RPTOR: variants seen among roughly 807,000 people sequenced by gnomAD.
RPTOR encodes the protein regulatory associated protein of MTOR complex 1.
RPTOR carries 21 observed loss-of-function variants against 169.9 expected under a neutral mutation model. The observed-to-expected ratio is 0.12, with a 90% CI of 0.09 to 0.18. The LOEUF (loss-of-function observed/expected upper bound fraction) is 0.18. Among genes scored for constraint, RPTOR ranks in the 10% least tolerant of loss-of-function variants. The pLI, the probability that RPTOR is intolerant of heterozygous loss-of-function variation, is 1.00. For missense variants in RPTOR, 1,133 were observed against 1,855.9 expected, an observed-to-expected ratio of 0.61 and a Z score of 7.16; for synonymous variants, 732 against 753.2, an observed-to-expected ratio of 0.97 and a Z score of 0.46.
chr17:80,754,647 G>A lies in RPTOR; in HGVS notation c.830+462G>A, dbSNP rs947188990. On this transcript the variant is annotated intron_variant, in intron 6 of 33. Transcript: ENST00000306801. This position sits in a 1 kb window ranked among gnomAD's most constrained non-coding sequence, Gnocchi z 4.2. ...TCTCCATCCTTTTTAAGTTATAGCC[G>A]TCGGGAACATAACTGAAGAAATGTG... Among the ~76,000 whole-genome samples the A allele has an allele frequency of 6.6e-6, 1 of 152,150 alleles. No individual in the cohort carries two copies. Among genetic ancestry groups the A allele is most frequent in the Non-Finnish European group, 1.5e-5 (1 of 68,024 alleles).
intron 10 of RPTOR, among the ~76,000 whole-genome samples, chr17:80,843,248 T>G (rs942659170): frequency 6.6e-6 from 1 of 152,154 alleles, no homozygotes; most frequent in African/African-American, 2.4e-5. Flanking sequence ...ATGGTATTGT[T>G]TAAAATTTCA....
chr17:80,754,010 G>T lies in RPTOR; in HGVS notation c.655G>T (p.Val219Leu), dbSNP rs1362913463. 1 of 1,612,038 alleles carries T rather than the reference G, an allele frequency of 6.2e-7. No individual in the cohort carries two copies. Among genetic ancestry groups the T allele is most frequent in the Non-Finnish European group, 8.5e-7 (1 of 1,178,410 alleles). ...TTTTCCCGAATGTTCTGCCCTTCAGGTAGCTGCAATCAACCCAAATCACCC... is the reference window on the plus strand; with the variant it reads ...TTTTCCCGAATGTTCTGCCCTTCAGTTAGCTGCAATCAACCCAAATCACCC... ...FALQREQELEVAAINPNHPLA... is the reference protein window; with the variant it reads ...FALQREQELELAAINPNHPLA... The change falls in exon 6 of 34, where the codon GTA (valine) becomes TTA (leucine). Residue 219 changes from valine to leucine, a missense_variant and splice_region_variant. This residue lies in a region of RPTOR where 35 missense variants were observed against 31.8 expected (regional missense o/e 1.10). Transcript: ENST00000306801. This position sits in a 1 kb window ranked among gnomAD's most constrained non-coding sequence, Gnocchi z 4.2.
chr17:80,656,646 G>A (rs931255415), intron 3 of RPTOR, among the ~76,000 whole-genome samples: 1 of 152,212 alleles, frequency 6.6e-6, no homozygotes, highest in Admixed American at 6.5e-5. Flanking sequence ...GGGACTGTGA[G>A]GCAGACGGAG....
chr17:80,683,369 G>A (rs1027150941), intron 3 of RPTOR, among the ~76,000 whole-genome samples: 4 of 152,202 alleles, frequency 2.6e-5, no homozygotes, highest in Non-Finnish European at 4.4e-5. Context: ...TTCCTCAGGT[G>A]CTGTCGGAGG....
At chr17:80,898,098 G>T (rs1020758933) in intron 20 of RPTOR, among the ~76,000 whole-genome samples, 7 of 152,118 alleles carry the variant, frequency 4.6e-5, no homozygotes, top group African/African-American at 1.4e-4. Context: ...GGGTGGGTTT[G>T]AATTCTGTAT....
chr17:80,583,671 C>A (rs900127755), intron 1 of RPTOR, among the ~76,000 whole-genome samples: 2 of 152,164 alleles, frequency 1.3e-5, no homozygotes, highest in Admixed American at 6.5e-5. Flanking sequence ...GCCTCCCAAC[C>A]CGGTAGTGAA....
chr17:80,734,070 A>G (rs1451913858), intron 5 of RPTOR, among the ~76,000 whole-genome samples: 2 of 152,180 alleles, frequency 1.3e-5, no homozygotes, highest in African/African-American at 4.8e-5. Context: ...CAAGCATTAA[A>G]CCTTGTACCT....
chr17:80,839,093 G>A (rs772668568), intron 10 of RPTOR, among the ~76,000 whole-genome samples: 3 of 152,196 alleles, frequency 2.0e-5, no homozygotes, highest in Non-Finnish European at 2.9e-5. Flanking sequence ...CACCACAGCC[G>A]TCAGGGAAGC....
intron 3 of RPTOR, among the ~76,000 whole-genome samples, chr17:80,654,586 C>T (rs112281890): frequency 7.9e-4 from 121 of 152,336 alleles, no homozygotes; most frequent in African/African-American, 2.6e-3. Flanking sequence ...GAGGATTACC[C>T]ATGGCTTGTA....
chr17:80,566,823 C>CAAAAAAAAAAAAA (rs56295360), intron 1 of RPTOR, among the ~76,000 whole-genome samples: 3 of 83,994 alleles, frequency 3.6e-5, no homozygotes, highest in African/African-American at 1.5e-4. Flanking sequence ...GACTCCGTCT[C>CAAAAAAAAAAAAA]AAAAAAAAAA....
At position 80,891,735 on chromosome 17, in the gene RPTOR, C is replaced by T. The variant is rs770410555; in HGVS notation, c.1999C>T (p.Leu667=). Residue 667 remains leucine (L), a synonymous_variant, in exon 18 of 34, where the codon CTG becomes TTG. Transcript: ENST00000306801. ...PMVRKELVVA[L]SHLVVQYESN... ...CTCTCGGCAGGAGCTGGTGGTGGCT[C>T]TGAGTCATCTTGTGGTTCAGTATGA... 9 of 1,613,448 alleles carry T rather than the reference C, an allele frequency of 5.6e-6. No homozygotes were observed. The highest frequency in any genetic ancestry group is 1.1e-5 in the South Asian group (1 of 91,072).
chr17:80,771,087 C>T (rs980310125), intron 6 of RPTOR, among the ~76,000 whole-genome samples: 3 of 152,248 alleles, frequency 2.0e-5, no homozygotes, highest in Admixed American at 1.3e-4. Flanking sequence ...GAAGAGTCCG[C>T]TGCAGAGCTG....
At chr17:80,809,202 T>C (rs2067248733) in intron 7 of RPTOR, among the ~76,000 whole-genome samples, 1 of 152,250 alleles carries the variant, frequency 6.6e-6, no homozygotes, top group Non-Finnish European at 1.5e-5. Flanking sequence ...TTTTTTATTT[T>C]ATTTTTTGAG....
chr17:80,739,851 A>G (rs2066467746), intron 5 of RPTOR, among the ~76,000 whole-genome samples: 1 of 152,214 alleles, frequency 6.6e-6, no homozygotes. Context: ...GAAAAGAGGA[A>G]AGATGACAAA....
intron 7 of RPTOR, among the ~76,000 whole-genome samples, chr17:80,812,344 T>C (rs2067281602): frequency 6.6e-6 from 1 of 152,236 alleles, no homozygotes; most frequent in Admixed American, 6.5e-5. Flanking sequence ...TTACCTGTTT[T>C]TTTTTTTAAT....
At chr17:80,632,673 T>C (rs1035094970) in intron 2 of RPTOR, among the ~76,000 whole-genome samples, 5 of 152,184 alleles carry the variant, frequency 3.3e-5, no homozygotes, top group African/African-American at 1.2e-4. Context: ...TATTAAAAAA[T>C]GGGTAGGTTC....
intron 3 of RPTOR, among the ~76,000 whole-genome samples, chr17:80,696,608 C>T (rs751595260): frequency 6.6e-6 from 1 of 152,202 alleles, no homozygotes. Flanking sequence ...GGGGCAAGGC[C>T]GGCTGGTGCG....
intron 3 of RPTOR, among the ~76,000 whole-genome samples, chr17:80,684,040 C>G (rs1212683305): frequency 6.6e-6 from 1 of 152,180 alleles, no homozygotes; most frequent in African/African-American, 2.4e-5. Context: ...CGTAAACAAA[C>G]TTTCTCACGT....
chr17:80,870,853 G>A lies in RPTOR; in HGVS notation c.1510-9562G>A, dbSNP rs150051534. Among the ~76,000 whole-genome samples, 385 of 152,306 alleles carry A rather than the reference G, an allele frequency of 2.5e-3. 1 individual carries two copies. The highest frequency in any genetic ancestry group is 8.9e-3 in the African/African-American group (369 of 41,548). ...TTTTCCCTGTTGACATCTTCTATTA[G>A]TACAACATGTTTGACACAACAGTCA... On this transcript the variant is annotated intron_variant, in intron 13 of 33. Transcript: ENST00000306801.
Sources: allele counts gnomAD v4.1 joint callset (sites outside exome capture counted in the v4.1 genomes callset), GRCh38; gene constraint gnomAD v4.1.1; regional missense constraint gnomAD v4.1.1; non-coding constraint Gnocchi (gnomAD v3.1); transcripts MANE v1.5; gene names NCBI Gene and HGNC (gene_info 2026-07-23, HGNC 2026-07-21).